Variants in KAT6B observed in about 807,000 individuals in gnomAD.
KAT6B encodes the protein lysine acetyltransferase 6B, also known as histone acetyltransferase KAT6B.
Under a neutral mutation model 187.5 loss-of-function variants are expected in KAT6B, and 10 were observed. That is an observed-to-expected ratio of 0.05 (90% CI 0.03 to 0.09). The LOEUF is 0.09. Ranked by LOEUF, KAT6B falls within the 10% of genes least tolerant of loss-of-function variation. The pLI is 1.00. For synonymous variants in KAT6B, 861 were observed against 926.8 expected, an observed-to-expected ratio of 0.93 and a Z score of 1.29; for missense variants, 1,952 against 2,558.9, an observed-to-expected ratio of 0.76 and a Z score of 5.12.
At chr10:74,910,238 C>G (rs1320485933) in intron 3 of KAT6B, among the ~76,000 whole-genome samples, 1 of 152,170 alleles carries the variant, frequency 6.6e-6, no homozygotes, top group Admixed American at 6.5e-5. Context: ...GCGGAGGTTG[C>G]GGTGAGCCAA....
At position 74,975,571 on chromosome 10, in the gene KAT6B, A is replaced by C; in HGVS notation, c.1234A>C (p.Lys412Gln). Residue 412 changes from lysine to glutamine, a missense_variant, in exon 8 of 18, where the codon AAA (lysine) becomes CAA (glutamine). Physicochemically the swap from Lys to Gln is moderately conservative, Grantham distance 53. Around this residue, in one of 9 missense-constraint regions of KAT6B, gnomAD observed 417 missense variants for 508.9 expected, o/e 0.82. Coordinates refer to ENST00000287239, the MANE Select transcript of KAT6B (RefSeq NM_012330.4). ...TDPTRPGATT[K>Q]ITTTSTYISA... ...CCCCACTCGGCCTGGTGCCACCACC[A>C]AAATCACCACCACCTCCACCTACAT... 6.2e-7 allele frequency: 1 copy of C among 1,614,062 alleles called. No individual in the cohort carries two copies. Among genetic ancestry groups the C allele is most frequent in the South Asian group, 1.1e-5 (1 of 91,076 alleles).
intron 3 of KAT6B, among the ~76,000 whole-genome samples, chr10:74,934,928 A>G (rs1849133916): frequency 6.6e-6 from 1 of 152,100 alleles, no homozygotes. Flanking sequence ...ACTTATATCT[A>G]CTGACAGAAT....
intron 3 of KAT6B, among the ~76,000 whole-genome samples, chr10:74,860,723 C>T (rs931044896): frequency 3.3e-5 from 5 of 152,212 alleles, no homozygotes; most frequent in Admixed American, 2.6e-4. Context: ...TGAGGCTAGG[C>T]ATGGTGGCTC....
chr10:74,913,861 A>G (rs551175685), intron 3 of KAT6B, among the ~76,000 whole-genome samples: 1 of 152,296 alleles, frequency 6.6e-6, no homozygotes, highest in African/African-American at 2.4e-5. Flanking sequence ...GTGCCAGTAT[A>G]GTAGACCTGT....
At chr10:74,923,666 C>CA (rs1488813516) in intron 3 of KAT6B, among the ~76,000 whole-genome samples, 1 of 152,114 alleles carries the variant, frequency 6.6e-6, no homozygotes, top group African/African-American at 2.4e-5. Context: ...GTCTGAGAAA[C>CA]AGATAAGAGG....
Position 75,031,240 on chromosome 10 carries a change from TTTC to T in KAT6B, c.*197_*199del. The T allele has an allele frequency of 1.5e-6, 1 of 647,032 alleles. No homozygotes were observed. Among genetic ancestry groups the T allele is most frequent in the South Asian group, 2.0e-5 (1 of 49,700 alleles). 40.1% of individuals were successfully genotyped at this position (647,032 alleles called of 1,614,324 possible). ...ACAAGTTGTTTTTCTTTTTTTCCTTTTTCTTTTTTTTGGTACCTTCATTTCTGT... is the reference window on the plus strand; with the variant it reads ...ACAAGTTGTTTTTCTTTTTTTCCTTTTTTTTTTTGGTACCTTCATTTCTGT... On this transcript the variant is annotated 3_prime_UTR_variant, in exon 18 of 18. Transcript: ENST00000287239.
At position 75,030,177 on chromosome 10, in the gene KAT6B, C is replaced by T. The variant is rs1272278598; in HGVS notation, c.5353C>T (p.Pro1785Ser). The T allele has an allele frequency of 1.9e-6, 3 of 1,614,120 alleles. No individual in the cohort carries two copies. Among genetic ancestry groups the T allele is most frequent in the Non-Finnish European group, 2.5e-6 (3 of 1,180,050 alleles). ...FTPPMQLAEI[P>S]ETSNANIGLY... is the part of the protein sequence containing the mutation. ...CCCACCCATGCAGCTGGCTGAAATC[C>T]CCGAGACGAGCAACGCCAACATTGG... Residue 1785 changes from proline to serine, a missense_variant, in exon 18 of 18, where the codon CCC (proline) becomes TCC (serine). Around this residue, in one of 9 missense-constraint regions of KAT6B, gnomAD observed 358 missense variants for 436.3 expected, o/e 0.82. Transcript: ENST00000287239. The surrounding 1 kb of genome is among the most constrained non-coding windows in gnomAD (Gnocchi z 4.8).
chr10:74,908,892 C>T (rs953680054), intron 3 of KAT6B, among the ~76,000 whole-genome samples: 3 of 152,194 alleles, frequency 2.0e-5, no homozygotes, highest in African/African-American at 4.8e-5. Context: ...CACATGCTGC[C>T]TTGACTCCTT....
Position 75,031,136 on chromosome 10 carries a change from A to C in KAT6B, c.*90A>C. The C allele has an allele frequency of 7.1e-7, 1 of 1,417,106 alleles. No individual in the cohort carries two copies. 87.8% of individuals were successfully genotyped at this position (1,417,106 alleles called of 1,614,324 possible). A position where few individuals can be genotyped will look rare whatever the true frequency, so the allele number is the denominator to read the frequency against. On this transcript the variant is annotated 3_prime_UTR_variant, in exon 18 of 18. Transcript: ENST00000287239. ...TGAAGAGTACGATTTCAAAACCAGC[A>C]ATTGGTGTGAATGCAAAAACATTTG...
At chr10:74,918,422 G>GAT (rs1847865625) in intron 3 of KAT6B, among the ~76,000 whole-genome samples, 1 of 152,084 alleles carries the variant, frequency 6.6e-6, no homozygotes, top group Non-Finnish European at 1.5e-5. Flanking sequence ...AAAATGAATA[G>GAT]ATATATGACT....
rs111458266 is a variant in KAT6B, at chr10:74,849,224, C to T, written c.621+5746C>T. On this transcript the variant is annotated intron_variant, in intron 3 of 17. Coordinates refer to ENST00000287239, the MANE Select transcript of KAT6B (RefSeq NM_012330.4). ...CTTGAACTCCTGGCCTCAAGTGATCCGCCTGCCTTGGCCTCCCAAAATGCT... is the reference window on the plus strand; with the variant it reads ...CTTGAACTCCTGGCCTCAAGTGATCTGCCTGCCTTGGCCTCCCAAAATGCT... Among the ~76,000 whole-genome samples the T allele has an allele frequency of 3.1e-3, 467 of 152,078 alleles. 2 individuals carry two copies. The highest frequency in any genetic ancestry group is 0.011 in the African/African-American group (443 of 41,454).
At chr10:74,870,351 G>C (rs1215137025) in intron 3 of KAT6B, among the ~76,000 whole-genome samples, 4 of 152,012 alleles carry the variant, frequency 2.6e-5, no homozygotes, top group Admixed American at 2.6e-4. Context: ...ATATTGAAGG[G>C]CCCAAGGGCA....
chr10:74,986,093 T>C (rs908717748), intron 12 of KAT6B, among the ~76,000 whole-genome samples: 1 of 152,086 alleles, frequency 6.6e-6, no homozygotes, highest in Non-Finnish European at 1.5e-5. Flanking sequence ...AGCCTAAGTA[T>C]CTCTGGCTGT....
At chr10:75,005,704 C>A (rs1359388281) in intron 13 of KAT6B, among the ~76,000 whole-genome samples, 1 of 151,794 alleles carries the variant, frequency 6.6e-6, no homozygotes, top group Non-Finnish European at 1.5e-5. Context: ...TTTTTTTCTC[C>A]CCCATGGATT....
chr10:74,997,348 C>T (rs1323218312), intron 13 of KAT6B, among the ~76,000 whole-genome samples: 1 of 151,498 alleles, frequency 6.6e-6, no homozygotes, highest in African/African-American at 2.4e-5. Context: ...ACATTGCTGA[C>T]ATTTACTGAG....
At chr10:74,998,601 A>G (rs189511782) in intron 13 of KAT6B, among the ~76,000 whole-genome samples, 1 of 152,340 alleles carries the variant, frequency 6.6e-6, no homozygotes, top group East Asian at 1.9e-4. Context: ...GTTATGGCAC[A>G]TCCATATAAT....
At chr10:74,876,439 A>C (rs1314613211) in intron 3 of KAT6B, among the ~76,000 whole-genome samples, 2 of 152,184 alleles carry the variant, frequency 1.3e-5, no homozygotes, top group African/African-American at 4.8e-5. Flanking sequence ...GGCATCTCCA[A>C]GTAGAAAGGC....
intron 3 of KAT6B, among the ~76,000 whole-genome samples, chr10:74,955,950 G>T (rs1840660432): frequency 6.6e-6 from 1 of 151,920 alleles, no homozygotes; most frequent in African/African-American, 2.4e-5. Flanking sequence ...GAGAAACAGG[G>T]TCTTGCTCTG....
chr10:74,880,930 CT>C (rs111285977), intron 3 of KAT6B, among the ~76,000 whole-genome samples: 39 of 144,462 alleles, frequency 2.7e-4, no homozygotes, highest in East Asian at 6.1e-4. Flanking sequence ...CTTACTCTCT[CT>C]TTTTTTTTTT....
Sources: allele counts gnomAD v4.1 joint callset (sites outside exome capture counted in the v4.1 genomes callset), GRCh38; gene constraint gnomAD v4.1.1; regional missense constraint gnomAD v4.1.1; non-coding constraint Gnocchi (gnomAD v3.1); transcripts MANE v1.5; gene names NCBI Gene and HGNC (gene_info 2026-07-23, HGNC 2026-07-21).